Variants in ANK1 observed in about 807,000 individuals in gnomAD.
ANK1 encodes ankyrin 1, also known as ankyrin-1.
In ANK1, 51 loss-of-function variants were observed where a neutral mutation model predicts 210.4. The ratio of observed to expected loss-of-function variants is 0.24; its 90% CI spans 0.19 to 0.31. The LOEUF is 0.31. ANK1 is among the 10% of genes least tolerant of loss of function. The probability of loss-of-function intolerance (pLI) is 1.00; values close to 1 mark genes in which losing one functional copy is unlikely to be tolerated. For missense variants in ANK1, 2,051 were observed against 2,504.4 expected (o/e 0.82, Z 3.86); for synonymous variants, 967 against 1,025.9 (o/e 0.94, Z 1.10).
Position 41,822,106 on chromosome 8 carries a change from G to A in ANK1, c.127-63969C>T, listed in dbSNP as rs5017381. 2.2e-3 allele frequency among the ~76,000 whole-genome samples: 74 copies of A among 34,244 alleles called. 3 individuals carry two copies. Among genetic ancestry groups the A allele is most frequent in the African/African-American group, 3.4e-3 (30 of 8,774 alleles). 22.5% of individuals were successfully genotyped at this position (34,244 alleles called of 152,430 possible). A position where few individuals can be genotyped will look rare whatever the true frequency, so the allele number is the denominator to read the frequency against. Reference sequence around the variant, plus strand: ...AGAGAGAGAGAGAGAGAGAGAGAGAGAGAGAGAGAAAGAAAGAGAAAGAAA... The same window carrying A: ...AGAGAGAGAGAGAGAGAGAGAGAGAAAGAGAGAGAAAGAAAGAGAAAGAAA... On this transcript the variant is annotated intron_variant, in intron 1 of 42. Transcript: ENST00000265709.
At chr8:41,835,312 C>T (rs1386574053) in intron 1 of ANK1, among the ~76,000 whole-genome samples, 1 of 152,088 alleles carries the variant, frequency 6.6e-6, no homozygotes, top group African/African-American at 2.4e-5. Flanking sequence ...ATTAGCCAGG[C>T]GTGGTGGCGG....
At chr8:41,703,539 A>G (rs1489127823) in intron 20 of ANK1, among the ~76,000 whole-genome samples, 5 of 148,676 alleles carry the variant, frequency 3.4e-5, no homozygotes, top group Non-Finnish European at 7.4e-5. Flanking sequence ...ACTGAACTGC[A>G]GTGGCGCAAT....
intron 1 of ANK1, among the ~76,000 whole-genome samples, chr8:41,822,122 G>C (rs5891171): frequency 3.1e-5 from 1 of 31,910 alleles, no homozygotes; most frequent in Non-Finnish European, 7.4e-5. Context: ...GAGAAAGAAA[G>C]AGAAAGAAAG....
intron 22 of ANK1, among the ~76,000 whole-genome samples, chr8:41,700,250 G>A (rs1261774008): frequency 6.6e-6 from 1 of 152,246 alleles, no homozygotes; most frequent in African/African-American, 2.4e-5. Context: ...CAGGCAGGAG[G>A]TGCCCGCCAG....
At chr8:41,702,604 C>T (rs1823164530) in intron 20 of ANK1, among the ~76,000 whole-genome samples, 1 of 152,186 alleles carries the variant, frequency 6.6e-6, no homozygotes, top group Non-Finnish European at 1.5e-5. Context: ...CTTCAATGAA[C>T]TCTAATCAGA....
In ANK1 at chr8:41,655,502, G is replaced by C. The variant is rs1429029520; in HGVS notation, c.*288C>G. 14 of 539,264 alleles carry C rather than the reference G, an allele frequency of 2.6e-5. No homozygotes were observed. The East Asian group carries it at 4.2e-4, about 16-fold the overall frequency. The allele number at this position is 539,264 out of a possible 1,614,324, so 33.4% of individuals were successfully genotyped here. A position where few individuals can be genotyped will look rare whatever the true frequency, so the allele number is the denominator to read the frequency against. On this transcript the variant is annotated 3_prime_UTR_variant, in exon 43 of 43. Coordinates refer to ENST00000289734, the MANE Select transcript of ANK1 (RefSeq NM_000037.4). The stretch of plus-strand genomic sequence containing the variant: ...TTGTTTTCTATCCCTCTCTCTCCCC[G>C]CTTCTTGCTGCTTTTGTGTCCTGGT...
In ANK1 at chr8:41,668,307, T is replaced by C; in HGVS notation, c.5354A>G (p.Gln1785Arg). 1.2e-6 allele frequency: 2 copies of C among 1,614,262 alleles called. No homozygotes were observed. Among genetic ancestry groups the C allele is most frequent in the Non-Finnish European group, 8.5e-7 (1 of 1,180,036 alleles). Residue 1785 changes from glutamine (Q) to arginine (R), a missense_variant, in exon 39 of 43, where the codon CAG becomes CGG. Physicochemically the swap from Gln to Arg is conservative, Grantham distance 43. Coordinates refer to ENST00000289734, the MANE Select transcript of ANK1 (RefSeq NM_000037.4). ...GAAGGTGTTCTTGGCCTCCTGCACCTGCTCTTCTTGGCCTTGCTGCCTCCG... is the reference window on the plus strand; with the variant it reads ...GAAGGTGTTCTTGGCCTCCTGCACCCGCTCTTCTTGGCCTTGCTGCCTCCG... ...RDRRQQGQEE[Q>R]VQEAKNTFTQ...
chr8:41,895,802 G>A (rs1820368954), intron 1 of ANK1, among the ~76,000 whole-genome samples: 1 of 151,858 alleles, frequency 6.6e-6, no homozygotes, highest in African/African-American at 2.4e-5. Context: ...CCCTGAGAAG[G>A]GTCAAGGAAG....
intron 20 of ANK1, among the ~76,000 whole-genome samples, chr8:41,703,640 C>T (rs747272105): frequency 1.0e-3 from 155 of 150,680 alleles, no homozygotes; most frequent in Middle Eastern, 3.4e-3. Flanking sequence ...ATACGTATCA[C>T]CACACCCACA....
rs563583048 is a variant in ANK1, at chr8:41,790,119, G to A, written c.27+7393C>T. On this transcript the variant is annotated intron_variant, in intron 1 of 42. Transcript: ENST00000289734. ...GCTGTGACAGGCCAGACTGTCCTAG[G>A]GTATCTGACCACTTGGAAAGGAATC... is the stretch of plus-strand genomic sequence containing the variant. Among the ~76,000 whole-genome samples, 9 of 152,000 alleles carry A rather than the reference G, an allele frequency of 5.9e-5. No individual in the cohort carries two copies. In the South Asian group the frequency reaches 1.9e-3, roughly 32 times the overall value.
chr8:41,734,163 G>A (rs1188614618), intron 2 of ANK1, 94 bp from the exon 3 acceptor site: 1 of 1,082,688 alleles, frequency 9.2e-7, no homozygotes, highest in African/African-American at 1.5e-5. Flanking sequence ...CAGCCCTGAG[G>A]TGTTCACAGC....
chr8:41,693,075 C>A, intron 30 of ANK1, 30 bp downstream of exon 30: 1 of 1,573,624 alleles, frequency 6.4e-7, no homozygotes, highest in South Asian at 1.1e-5. Flanking sequence ...ACGGCCCACA[C>A]AATACTGGGC....
intron 1 of ANK1, among the ~76,000 whole-genome samples, chr8:41,874,555 G>A (rs535740425): frequency 3.7e-4 from 57 of 152,160 alleles, no homozygotes; most frequent in Non-Finnish European, 6.0e-4. Context: ...AGAGTGTGTC[G>A]GAGAGCAGGG....
At chr8:41,880,038 A>C (rs1349739482) in intron 1 of ANK1, among the ~76,000 whole-genome samples, 1 of 152,188 alleles carries the variant, frequency 6.6e-6, no homozygotes, top group Non-Finnish European at 1.5e-5. Context: ...GGCAAACTGT[A>C]CTCAAGGGCC....
intron 2 of ANK1, among the ~76,000 whole-genome samples, chr8:41,734,587 ATCAG>A (rs987776467): frequency 2.0e-4 from 31 of 152,222 alleles, no homozygotes; most frequent in African/African-American, 7.0e-4. Flanking sequence ...CAATAGAAAA[ATCAG>A]TATTAAAATA....
chr8:41,874,206 C>T (rs1816127040), intron 1 of ANK1, among the ~76,000 whole-genome samples: 2 of 152,338 alleles, frequency 1.3e-5, no homozygotes, highest in Admixed American at 1.3e-4. Flanking sequence ...ATGGTGCCTG[C>T]ACCCTGAACT....
intron 1 of ANK1, chr8:41,788,791 C>T (rs1163816972): frequency 2.6e-5 from 4 of 152,214 alleles, no homozygotes; most frequent in African/African-American, 9.6e-5. Flanking sequence ...AGCCCTAACA[C>T]TTTCCTACTC....
At chr8:41,720,017 G>A (rs984677422) in intron 9 of ANK1, among the ~76,000 whole-genome samples, 159 bp from the exon 10 acceptor site, 8 of 152,100 alleles carry the variant, frequency 5.3e-5, no homozygotes, top group African/African-American at 9.7e-5. Context: ...CGCTCCTGCC[G>A]GTCTCTGACC....
chr8:41,707,942 C>G (rs1230945069), intron 17 of ANK1, among the ~76,000 whole-genome samples: 1 of 152,094 alleles, frequency 6.6e-6, no homozygotes, highest in African/African-American at 2.4e-5. Context: ...TTGCATGGTT[C>G]CACGTATATG....
Sources: allele counts gnomAD v4.1 joint callset (sites outside exome capture counted in the v4.1 genomes callset), GRCh38; gene constraint gnomAD v4.1.1; transcripts MANE v1.5; gene names NCBI Gene and HGNC (gene_info 2026-07-23, HGNC 2026-07-21).